The following ATRX variants were observed in gnomAD, a reference collection of about 807,000 sequenced individuals.
ATRX encodes the protein chromatin remodeler ATRX.
ATRX carries 12 observed loss-of-function variants against 172.6 expected under a neutral mutation model. The observed-to-expected ratio is 0.07, with a 90% CI of 0.04 to 0.11. ATRX has a LOEUF of 0.11. Ranked by LOEUF, ATRX falls within the 10% of genes least tolerant of loss-of-function variation. ATRX has a pLI of 1.00. For synonymous variants in ATRX, 674 were observed against 594.7 expected (o/e 1.13, Z -1.94); for missense variants, 1,368 against 1,767.4 (o/e 0.77, Z 4.05).
rs781891474 is a variant in ATRX at position 77,599,604 on chromosome X, CAA to C, written c.5787-26_5787-25del. ...TTCTAAAAACAAACAAACAAACAAA[CAA>C]AAAAACACATTCAGATTGTTAGAAA... On this transcript the variant is annotated intron_variant, in intron 24 of 34. Coordinates refer to ENST00000373344, the MANE Select transcript of ATRX (RefSeq NM_000489.6). The C allele has an allele frequency of 1.8e-5, 22 of 1,199,264 alleles. No individual in the cohort carries two copies. In the East Asian group the frequency reaches 6.2e-4, roughly 34 times the overall value.
intron 28 of ATRX, among the ~76,000 whole-genome samples, chrX:77,568,496 A>G (rs1480723372): frequency 8.9e-6 from 1 of 112,156 alleles, no homozygotes; most frequent in African/African-American, 3.2e-5. Context: ...TAAACTCCCA[A>G]AAAAAGAAAT....
Position 77,664,949 on chromosome X carries a change from A to G in ATRX, c.3810-171T>C, listed in dbSNP as rs183973145. Among the ~76,000 whole-genome samples the G allele has an allele frequency of 3.0e-3, 340 of 112,663 alleles. 1 individual carries two copies. Among genetic ancestry groups the G allele is most frequent in the Admixed American group, 4.4e-3 (47 of 10,675 alleles). The stretch of plus-strand genomic sequence containing the variant: ...ATGTTTTAACCTAAGCTATAAACAA[A>G]AACTTTTAAAAATGTTCTTTACACT... On this transcript the variant is annotated intron_variant, in intron 10 of 34. Coordinates refer to ENST00000373344, the MANE Select transcript of ATRX (RefSeq NM_000489.6).
In ATRX at chrX:77,683,192, T is replaced by C. The variant is rs781991929; in HGVS notation, c.2064A>G (p.Lys688=). The C allele has an allele frequency of 8.3e-7, 1 of 1,210,033 alleles. No individual in the cohort carries two copies. The highest frequency in any genetic ancestry group is 1.8e-5 in the South Asian group (1 of 56,979). Residue 688 remains lysine, a synonymous_variant, in exon 9 of 35, where the codon AAA becomes AAG. Transcript: ENST00000373344. ...TTCTCACTGGAACTGATAGTTTTTG[T>C]TTCTCCTTAACTGTTTCATTACATT... ...DEECNETVKE[K]QKLSVPVRKK...
chrX:77,746,499 C>G (rs2075083200), intron 1 of ATRX, among the ~76,000 whole-genome samples: 1 of 111,781 alleles, frequency 8.9e-6, no homozygotes, highest in Non-Finnish European at 1.9e-5. Context: ...CATATCACTC[C>G]TTGTCCGTCT....
intron 1 of ATRX, among the ~76,000 whole-genome samples, chrX:77,766,835 C>T (rs1459458202): frequency 8.9e-6 from 1 of 111,844 alleles, no homozygotes; most frequent in Non-Finnish European, 1.9e-5. Context: ...CGGGCAGAGG[C>T]TGCAATCTCG....
chrX:77,537,695 G>A (rs1398758229), intron 30 of ATRX, among the ~76,000 whole-genome samples: 1 of 110,322 alleles, frequency 9.1e-6, no homozygotes, highest in African/African-American at 3.3e-5. Flanking sequence ...TTTCTATACA[G>A]AGGTGTTTTA....
intron 1 of ATRX, among the ~76,000 whole-genome samples, chrX:77,765,946 G>A (rs369791357): frequency 1.9e-4 from 21 of 109,634 alleles, no homozygotes; most frequent in Admixed American, 6.8e-4. Context: ...ATCTTGCACC[G>A]CCCTTAATCC....
Position 77,513,915 on chromosome X carries a change from G to A in ATRX, c.7201-5286C>T, listed in dbSNP as rs782048980. On this transcript the variant is annotated intron_variant, in intron 34 of 34. Transcript: ENST00000373344. ...ATAAACAAGTTCAGCAATATCTCAG[G>A]GTACAAAATCAATGTACAAAAATCA... Among the ~76,000 whole-genome samples, 7 of 110,396 alleles carry A rather than the reference G, an allele frequency of 6.3e-5. No homozygotes were observed. The South Asian group carries it at 2.7e-3, about 43-fold the overall frequency.
intron 34 of ATRX, among the ~76,000 whole-genome samples, chrX:77,513,091 G>A (rs1480921420): frequency 1.8e-5 from 2 of 109,815 alleles, no homozygotes; most frequent in Non-Finnish European, 3.8e-5. Context: ...GCCGAGGCGG[G>A]AGGATCACAA....
At chrX:77,756,217 A>C (rs2075486813) in intron 1 of ATRX, among the ~76,000 whole-genome samples, 1 of 111,248 alleles carries the variant, frequency 9.0e-6, no homozygotes, top group African/African-American at 3.3e-5. Context: ...CAATCTTCAC[A>C]GGTCAGCTTC....
At chrX:77,574,764 A>G (rs1557069467) in intron 27 of ATRX, among the ~76,000 whole-genome samples, 1 of 111,745 alleles carries the variant, frequency 8.9e-6, no homozygotes, top group Admixed American at 9.5e-5. Flanking sequence ...AAAATGAGAG[A>G]TAAAGAATGC....
At chrX:77,644,242 G>A (rs1557112553) in intron 15 of ATRX, among the ~76,000 whole-genome samples, 1 of 112,794 alleles carries the variant, frequency 8.9e-6, no homozygotes, top group African/African-American at 3.2e-5. Context: ...ACACCCAGCA[G>A]ACGTTCAAAA....
intron 22 of ATRX, among the ~76,000 whole-genome samples, chrX:77,601,575 A>C (rs1557087196): frequency 9.0e-6 from 1 of 111,566 alleles, no homozygotes; most frequent in African/African-American, 3.3e-5. Context: ...CAACAGAATT[A>C]TCATTTTCCT....
intron 26 of ATRX, among the ~76,000 whole-genome samples, chrX:77,591,401 T>C (rs1306660996): frequency 8.9e-6 from 1 of 112,177 alleles, no homozygotes; most frequent in Non-Finnish European, 1.9e-5. Flanking sequence ...TAAGAAACAA[T>C]ATACCTGTGG....
intron 2 of ATRX, among the ~76,000 whole-genome samples, chrX:77,706,004 G>A (rs1357913366): frequency 7.7e-5 from 8 of 104,197 alleles, no homozygotes; most frequent in Non-Finnish European, 1.6e-4. Flanking sequence ...TTTTTTTTTT[G>A]GAGACAGGAT....
At chrX:77,540,045 A>G (rs2063911761) in intron 30 of ATRX, among the ~76,000 whole-genome samples, 1 of 111,744 alleles carries the variant, frequency 8.9e-6, no homozygotes, top group African/African-American at 3.3e-5. Flanking sequence ...ATCAAGACCC[A>G]TTGGTGTGCT....
chrX:77,584,982 AT>A (rs1557076056), intron 27 of ATRX, among the ~76,000 whole-genome samples: 1 of 112,049 alleles, frequency 8.9e-6, no homozygotes, highest in Non-Finnish European at 1.9e-5. Flanking sequence ...TAATAATCTG[AT>A]TTTAAAATGG....
intron 1 of ATRX, among the ~76,000 whole-genome samples, chrX:77,773,336 A>T (rs1557200328): frequency 1.8e-5 from 2 of 110,675 alleles, no homozygotes; most frequent in African/African-American, 3.3e-5. Context: ...GAAGGAGGAA[A>T]TGGAAAAAGC....
At chrX:77,765,535 AATG>A (rs1259293197) in intron 1 of ATRX, among the ~76,000 whole-genome samples, 2 of 111,768 alleles carry the variant, frequency 1.8e-5, no homozygotes, top group Non-Finnish European at 3.8e-5. Flanking sequence ...AAAACAACCT[AATG>A]GACTAGTTAA....
Sources: allele counts gnomAD v4.1 joint callset (sites outside exome capture counted in the v4.1 genomes callset), GRCh38; gene constraint gnomAD v4.1.1; transcripts MANE v1.5; gene names NCBI Gene and HGNC (gene_info 2026-07-23, HGNC 2026-07-21).